DSG4: variants seen among roughly 807,000 people sequenced by gnomAD.
The protein encoded by DSG4 is desmoglein-4.
Under a neutral mutation model 93.1 loss-of-function variants are expected in DSG4, and 87 were observed. The ratio of observed to expected loss-of-function variants is 0.93; its 90% CI spans 0.79 to 1.12. DSG4 has a LOEUF of 1.12. Ranked by LOEUF, DSG4 falls within the 50% of genes most tolerant of loss-of-function variation. The pLI is 0.00. For missense variants in DSG4, 1,373 were observed against 1,285.7 expected, an observed-to-expected ratio of 1.07 and a Z score of -1.04; for synonymous variants, 432 against 452.9, an observed-to-expected ratio of 0.95 and a Z score of 0.59.
At chr18:31,384,438 A>G (rs1364636347) in intron 1 of DSG4, among the ~76,000 whole-genome samples, 1 of 152,190 alleles carries the variant, frequency 6.6e-6, no homozygotes, top group African/African-American at 2.4e-5. Context: ...GCTGCTCAAT[A>G]AAAACCTTAA....
intron 2 of DSG4, among the ~76,000 whole-genome samples, chr18:31,385,902 T>G (rs2072181806): frequency 6.6e-6 from 1 of 152,116 alleles, no homozygotes; most frequent in South Asian, 2.1e-4. Context: ...GGGGGTACAT[T>G]AGGACTTACA....
intron 14 of DSG4, 79 bp from the exon 15 acceptor site, chr18:31,411,152 G>A (rs1241704213): frequency 1.2e-6 from 2 of 1,613,832 alleles, no homozygotes; most frequent in Non-Finnish European, 1.7e-6. Context: ...TGGCACCGCA[G>A]ACGGCGGCGG....
At chr18:31,406,424 G>A in intron 12 of DSG4, 51 bp downstream of exon 12, 1 of 1,609,270 alleles carries the variant, frequency 6.2e-7, no homozygotes, top group Middle Eastern at 1.7e-4. Flanking sequence ...AAATAGGGCT[G>A]TTACGAGGCT....
chr18:31,403,100 A>T (rs183665619), intron 10 of DSG4, among the ~76,000 whole-genome samples: 190 of 152,278 alleles, frequency 1.2e-3, no homozygotes, highest in African/African-American at 4.5e-3. Context: ...AGAACATTTG[A>T]TTTTGCGCCT....
intron 13 of DSG4, 29 bp downstream of exon 13, chr18:31,409,620 T>C: frequency 6.2e-7 from 1 of 1,614,224 alleles, no homozygotes; most frequent in African/African-American, 1.3e-5. Context: ...TCCAGAGAAG[T>C]GTGGAGTTTC....
Position 31,397,488 on chromosome 18 carries a change from C to A in DSG4, c.1006-1784C>A, listed in dbSNP as rs112422655. Among the ~76,000 whole-genome samples, 842 of 152,140 alleles carry A rather than the reference C, an allele frequency of 5.5e-3. 7 individuals carry two copies. The highest frequency in any genetic ancestry group is 0.019 in the African/African-American group (797 of 41,492). ...AATCCTGACTAAAGGGCCCCACTTG[C>A]GAAGAATGAGTAAACAATTTTATGC... On this transcript the variant is annotated intron_variant, in intron 8 of 15. Coordinates refer to ENST00000308128, the MANE Select transcript of DSG4 (RefSeq NM_177986.5).
At position 31,399,371 on chromosome 18, in the gene DSG4, C is replaced by G; in HGVS notation, c.1105C>G (p.Pro369Ala). 1 of 1,614,040 alleles carries G rather than the reference C, an allele frequency of 6.2e-7. No individual in the cohort carries two copies. The highest frequency in any genetic ancestry group is 8.5e-7 in the Non-Finnish European group (1 of 1,179,964). ...CGTTGCTTCTCAATTCCAAATGCACCCAACCCCTGTGAGAATTCAAGTTGT... is the reference window on the plus strand; with the variant it reads ...CGTTGCTTCTCAATTCCAAATGCACGCAACCCCTGTGAGAATTCAAGTTGT... ...YSVASQFQMH[P>A]TPVRIQVVDV... Residue 369 changes from proline to alanine, a missense_variant, in exon 9 of 16, where the codon CCA becomes GCA. Transcript: ENST00000308128.
intron 8 of DSG4, 94 bp from the exon 9 acceptor site, chr18:31,399,178 T>C: frequency 1.3e-6 from 2 of 1,522,514 alleles, no homozygotes; most frequent in Non-Finnish European, 1.8e-6. Context: ...TCCTGGACCT[T>C]ATTCTAGTGT....
intron 4 of DSG4, 53 bp from the exon 5 acceptor site, chr18:31,388,821 G>C: frequency 6.2e-7 from 1 of 1,612,262 alleles, no homozygotes; most frequent in Non-Finnish European, 8.5e-7. Context: ...TTTCAAGCAT[G>C]TTACTAAAAT....
chr18:31,378,374 C>G (rs915426998), intron 1 of DSG4, among the ~76,000 whole-genome samples: 1 of 152,138 alleles, frequency 6.6e-6, no homozygotes, highest in Non-Finnish European at 1.5e-5. Flanking sequence ...TGCTTTGACT[C>G]AGATAAACTT....
At chr18:31,411,584 T>A in intron 15 of DSG4, 136 bp downstream of exon 15, 1 of 1,103,870 alleles carries the variant, frequency 9.1e-7, no homozygotes, top group Admixed American at 2.1e-5. Context: ...ATAAAAAGTA[T>A]TTCACGTCTC....
intron 8 of DSG4, among the ~76,000 whole-genome samples, chr18:31,393,677 C>T (rs1179979525): frequency 6.6e-6 from 1 of 152,190 alleles, no homozygotes; most frequent in Non-Finnish European, 1.5e-5. Flanking sequence ...GGGTGACAGA[C>T]ATCCAAACCA....
At chr18:31,390,253 G>T (rs2072232859) in intron 5 of DSG4, among the ~76,000 whole-genome samples, 1 of 151,974 alleles carries the variant, frequency 6.6e-6, no homozygotes, top group Admixed American at 6.6e-5. Flanking sequence ...TTATAATGTT[G>T]CATTTAATTA....
At chr18:31,379,347 C>G (rs975865037) in intron 1 of DSG4, among the ~76,000 whole-genome samples, 1 of 152,162 alleles carries the variant, frequency 6.6e-6, no homozygotes, top group South Asian at 2.1e-4. Flanking sequence ...AACTGCAATT[C>G]TAAAATTATC....
At chr18:31,396,345 G>A (rs1330367681) in intron 8 of DSG4, among the ~76,000 whole-genome samples, 1 of 148,408 alleles carries the variant, frequency 6.7e-6, no homozygotes, top group Non-Finnish European at 1.5e-5. Flanking sequence ...GAAGAAAATA[G>A]GGTCATTGCT....
At position 31,390,812 on chromosome 18, in the gene DSG4, T is replaced by G; in HGVS notation, c.674T>G (p.Leu225Trp). Residue 225 changes from leucine to tryptophan, a missense_variant, in exon 6 of 16, where the codon TTG (leucine) becomes TGG (tryptophan). Physicochemically the swap from Leu to Trp is moderately conservative, Grantham distance 61. Transcript: ENST00000308128. ...GAAGTCTGCACCATGTCCAGTTTCT[T>G]GGACAGAGAGGTAAAGCCTTCTGTG... ...TGEVCTMSSFLDREQHSMYNL... is the reference protein window; with the variant it reads ...TGEVCTMSSFWDREQHSMYNL... 6.2e-7 allele frequency: 1 copy of G among 1,613,510 alleles called. No homozygotes were observed. The highest frequency in any genetic ancestry group is 8.5e-7 in the Non-Finnish European group (1 of 1,179,672).
intron 7 of DSG4, 79 bp downstream of exon 7, chr18:31,391,291 G>A (rs544221978): frequency 3.8e-6 from 6 of 1,588,084 alleles, no homozygotes; most frequent in Admixed American, 1.7e-5. Context: ...CAATCATGCT[G>A]GCTCATGAGC....
At chr18:31,410,420 C>T (rs532521551) in intron 14 of DSG4, among the ~76,000 whole-genome samples, 1 of 151,152 alleles carries the variant, frequency 6.6e-6, no homozygotes, top group South Asian at 2.1e-4. Flanking sequence ...TATATATATA[C>T]ACACACACAT....
At position 31,413,636 on chromosome 18, in the gene DSG4, T is replaced by G. The variant is rs769103585; in HGVS notation, c.*41T>G. 9 of 1,603,090 alleles carry G rather than the reference T, an allele frequency of 5.6e-6. No individual in the cohort carries two copies. The highest frequency in any genetic ancestry group is 7.6e-6 in the Non-Finnish European group (9 of 1,176,690). ...TATTCTATGTGGAGACCTTGCACCT[T>G]GTAATCATCAATACATCCACCAAAA... is the stretch of plus-strand genomic sequence containing the variant. On this transcript the variant is annotated 3_prime_UTR_variant, in exon 16 of 16. Transcript: ENST00000308128.
Sources: gnomAD v4.1 joint callset for allele counts (sites outside exome capture counted in the v4.1 genomes callset) on GRCh38, gnomAD v4.1.1 for gene constraint, MANE v1.5 for transcripts, NCBI Gene and HGNC (gene_info 2026-07-23, HGNC 2026-07-21) for gene names.